The following MBD5 variants were observed in gnomAD, a reference collection of about 807,000 sequenced individuals.
The protein encoded by MBD5 is methyl-CpG binding domain protein 5.
In MBD5, 13 loss-of-function variants were observed where a neutral mutation model predicts 117.3. That is an observed-to-expected ratio of 0.11 (90% CI 0.07 to 0.18). MBD5 has a LOEUF of 0.18. Ranked by LOEUF, MBD5 falls within the 10% of genes least tolerant of loss-of-function variation. The pLI, the probability that MBD5 is intolerant of heterozygous loss-of-function variation, is 1.00. For missense variants in MBD5, 1,879 were observed against 2,093.8 expected (o/e 0.90, Z 2.00); for synonymous variants, 727 against 766.4 (o/e 0.95, Z 0.85).
At chr2:148,305,628 G>A (rs1269503534) in intron 3 of MBD5, among the ~76,000 whole-genome samples, 1 of 152,146 alleles carries the variant, frequency 6.6e-6, no homozygotes, top group Admixed American at 6.5e-5. Flanking sequence ...ACAGCAGCAG[G>A]CATGATGTCG....
chr2:148,455,225 C>CT (rs907519130), intron 4 of MBD5, among the ~76,000 whole-genome samples: 52 of 152,204 alleles, frequency 3.4e-4, no homozygotes, highest in African/African-American at 1.3e-3. Context: ...TCCTAAGACC[C>CT]TTACAATTGT....
chr2:148,175,174 T>C (rs1221186330), intron 1 of MBD5, among the ~76,000 whole-genome samples: 1 of 152,178 alleles, frequency 6.6e-6, no homozygotes, highest in Non-Finnish European at 1.5e-5. Context: ...CTTCATTTAG[T>C]TATTTTGCAT....
intron 8 of MBD5, among the ~76,000 whole-genome samples, chr2:148,474,505 G>T (rs557893257): frequency 2.0e-5 from 3 of 151,952 alleles, no homozygotes; most frequent in African/African-American, 7.3e-5. Flanking sequence ...ACTTTAAAAT[G>T]ACTTTTATGT....
At position 148,445,373 on chromosome 2, in the gene MBD5, G is replaced by A. The variant is rs1315814961; in HGVS notation, c.-556-12830G>A. The stretch of plus-strand genomic sequence containing the variant: ...CATTGTTCAGTTCTCACCTATGAGT[G>A]AGAACATGCGGTGTTTGGTTTTTTG... On this transcript the variant is annotated intron_variant, in intron 4 of 13. Coordinates refer to ENST00000642680, the MANE Select transcript of MBD5 (RefSeq NM_001378120.1). 8.6e-5 allele frequency among the ~76,000 whole-genome samples: 13 copies of A among 150,924 alleles called. 1 individual carries two copies. The highest frequency in any genetic ancestry group is 3.2e-4 in the African/African-American group (13 of 40,392).
chr2:148,386,446 C>T (rs558536925), intron 4 of MBD5, among the ~76,000 whole-genome samples: 12 of 152,160 alleles, frequency 7.9e-5, no homozygotes, highest in Non-Finnish European at 1.5e-4. Context: ...CGGCCGGGCG[C>T]GGTGGCTCAC....
intron 3 of MBD5, among the ~76,000 whole-genome samples, chr2:148,280,527 G>C (rs868728864): frequency 6.6e-6 from 1 of 152,152 alleles, no homozygotes; most frequent in Non-Finnish European, 1.5e-5. Context: ...GATCATGCAG[G>C]CTCAAGTCAT....
At chr2:148,275,302 A>T (rs2106359020) in intron 3 of MBD5, among the ~76,000 whole-genome samples, 1 of 152,094 alleles carries the variant, frequency 6.6e-6, no homozygotes, top group East Asian at 1.9e-4. Context: ...TCCATCCATT[A>T]TCTTCTTACC....
intron 11 of MBD5, 27 bp from the exon 12 acceptor site, chr2:148,502,409 T>C: frequency 2.5e-6 from 4 of 1,607,916 alleles, no homozygotes; most frequent in Non-Finnish European, 3.4e-6. Flanking sequence ...CTGGGTAATG[T>C]GGTTTGGTCT....
chr2:148,081,928 G>A (rs757714810), intron 1 of MBD5, among the ~76,000 whole-genome samples: 7 of 152,164 alleles, frequency 4.6e-5, no homozygotes, highest in Non-Finnish European at 8.8e-5. Flanking sequence ...TCATAGGTAA[G>A]TAATCTTGCC....
chr2:148,176,329 A>T, intron 1 of MBD5, among the ~76,000 whole-genome samples: 1 of 150,278 alleles, frequency 6.7e-6, no homozygotes. Context: ...TTTTCAGAAA[A>T]AAATCTTAAA....
In MBD5 at chr2:148,401,582, T is replaced by TA. The variant is rs201160055; in HGVS notation, c.-556-56614dup. 6.5e-3 allele frequency among the ~76,000 whole-genome samples: 986 copies of TA among 152,242 alleles called. 6 individuals are homozygous for TA. The highest frequency in any genetic ancestry group is 8.9e-3 in the Non-Finnish European group (608 of 67,962). On this transcript the variant is annotated intron_variant, in intron 4 of 13. Coordinates refer to ENST00000642680, the MANE Select transcript of MBD5 (RefSeq NM_001378120.1). ...TGAGCTTATGATTTATTCTGGTTTT[T>TA]AAAAAAATTATTTTGAAATTATTTT... is the stretch of plus-strand genomic sequence containing the variant.
chr2:148,475,727 T>G (rs1443641459), intron 8 of MBD5, among the ~76,000 whole-genome samples: 1 of 152,104 alleles, frequency 6.6e-6, no homozygotes, highest in East Asian at 1.9e-4. Context: ...CAAAAAACAT[T>G]TACACAGTTG....
chr2:148,388,489 T>C (rs1040638788), intron 4 of MBD5, among the ~76,000 whole-genome samples: 1 of 152,230 alleles, frequency 6.6e-6, no homozygotes, highest in Admixed American at 6.5e-5. Flanking sequence ...TGTGTTATTT[T>C]GCTTCATAGC....
At chr2:148,476,636 A>G (rs1023665731) in intron 8 of MBD5, among the ~76,000 whole-genome samples, 9 of 152,166 alleles carry the variant, frequency 5.9e-5, no homozygotes, top group African/African-American at 2.2e-4. Flanking sequence ...TAGTTGGGGC[A>G]TACTAAATTG....
intron 1 of MBD5, among the ~76,000 whole-genome samples, chr2:148,101,589 ATTCT>A (rs1418299895): frequency 6.6e-6 from 1 of 152,196 alleles, no homozygotes; most frequent in Non-Finnish European, 1.5e-5. Flanking sequence ...TTCAATGAAC[ATTCT>A]TTCAGAAACT....
At chr2:148,268,260 T>G (rs780718702) in intron 3 of MBD5, among the ~76,000 whole-genome samples, 9 of 152,068 alleles carry the variant, frequency 5.9e-5, no homozygotes, top group Non-Finnish European at 1.2e-4. Context: ...CTTTTTCCTT[T>G]TGTATAGCCT....
At chr2:148,283,748 C>A (rs1701304431) in intron 3 of MBD5, among the ~76,000 whole-genome samples, 1 of 152,184 alleles carries the variant, frequency 6.6e-6, no homozygotes, top group Non-Finnish European at 1.5e-5. Context: ...CATGCCTATG[C>A]TTACTAGAGC....
chr2:148,387,404 CAT>C (rs1704406637), intron 4 of MBD5, among the ~76,000 whole-genome samples: 1 of 152,006 alleles, frequency 6.6e-6, no homozygotes, highest in Admixed American at 6.6e-5. Flanking sequence ...AAGTCCTTAA[CAT>C]AATGAAGATA....
rs899531907 is a variant in MBD5, at chr2:148,178,155, CT to C, written c.-924-536del. Among the ~76,000 whole-genome samples, 30 of 151,016 alleles carry C rather than the reference CT, an allele frequency of 2.0e-4. No homozygotes were observed. The East Asian group carries it at 4.5e-3, about 22-fold the overall frequency. ...ATTAGAGGGAATTTTATTTAAAGGG[CT>C]TTTTTTTTATGCTAAGTTTAGCAGG... On this transcript the variant is annotated intron_variant, in intron 1 of 13. Transcript: ENST00000642680.
Sources: gnomAD v4.1 joint callset for allele counts (sites outside exome capture counted in the v4.1 genomes callset) on GRCh38, gnomAD v4.1.1 for gene constraint, MANE v1.5 for transcripts, NCBI Gene and HGNC (gene_info 2026-07-23, HGNC 2026-07-21) for gene names.